Variants in RGS12 observed in about 807,000 individuals in gnomAD.
The protein encoded by RGS12 is regulator of G-protein signaling 12.
In RGS12, 66 loss-of-function variants were observed where a neutral mutation model predicts 120.1. The ratio of observed to expected loss-of-function variants is 0.55; its 90% CI spans 0.45 to 0.67. The LOEUF (loss-of-function observed/expected upper bound fraction) is 0.67, where lower values mean the gene tolerates loss of function less well. Among genes scored for constraint, RGS12 ranks in the 30% least tolerant of loss-of-function variants. RGS12 has a pLI of 0.00. For missense variants in RGS12, 1,859 were observed against 1,957.7 expected (o/e 0.95, Z 0.95); for synonymous variants, 827 against 804.7 (o/e 1.03, Z -0.47).
Position 3,380,808 on chromosome 4 carries a change from C to T in RGS12, c.1999-5608C>T, listed in dbSNP as rs553012612. The stretch of plus-strand genomic sequence containing the variant: ...GCCCAGGAAACAATTTTTCCCTCCT[C>T]GGCCTCCAGGCCTGTGATGAGAGGG... On this transcript the variant is annotated intron_variant, in intron 3 of 17. Coordinates refer to ENST00000336727, the MANE Select transcript of RGS12 (RefSeq NM_001394154.1). Among the ~76,000 whole-genome samples the T allele has an allele frequency of 2.1e-4, 32 of 152,316 alleles. 1 individual carries two copies. Among genetic ancestry groups the T allele is most frequent in the African/African-American group, 6.0e-4 (25 of 41,582 alleles).
chr4:3,299,129 A>G (rs924106225), intron 1 of RGS12, among the ~76,000 whole-genome samples: 6 of 152,032 alleles, frequency 3.9e-5, no homozygotes, highest in African/African-American at 1.4e-4. Flanking sequence ...ACTCAAATGA[A>G]AATCTCTGCT....
chr4:3,378,797 G>A (rs971648250), intron 3 of RGS12, among the ~76,000 whole-genome samples: 2 of 152,198 alleles, frequency 1.3e-5, no homozygotes, highest in Non-Finnish European at 2.9e-5. Flanking sequence ...CCCTTGCACT[G>A]TTGGTGGGAA....
chr4:3,336,336 C>T (rs1323415607), intron 2 of RGS12, among the ~76,000 whole-genome samples: 2 of 152,270 alleles, frequency 1.3e-5, no homozygotes, highest in African/African-American at 4.8e-5. Flanking sequence ...GCTACCCCTT[C>T]TCTACATAGT....
intron 1 of RGS12, among the ~76,000 whole-genome samples, chr4:3,310,515 G>A (rs1192703021): frequency 2.6e-5 from 4 of 152,218 alleles, no homozygotes; most frequent in African/African-American, 9.6e-5. Flanking sequence ...CTGTGTCCAG[G>A]GCGGGCAGGT....
At chr4:3,422,608 C>CAT in intron 11 of RGS12, 38 bp downstream of exon 11, 1 of 1,583,878 alleles carries the variant, frequency 6.3e-7, no homozygotes. Flanking sequence ...GCCCTCAGGC[C>CAT]ATGACCTCCC....
At chr4:3,434,198 G>C (rs1259706486) in intron 17 of RGS12, among the ~76,000 whole-genome samples, 2 of 152,232 alleles carry the variant, frequency 1.3e-5, no homozygotes, top group African/African-American at 4.8e-5. Flanking sequence ...CAGCAGGAGA[G>C]AGTACGAGAA....
upstream of RGS12, among the ~76,000 whole-genome samples, chr4:3,289,539 A>C (rs1468614321): frequency 1.3e-5 from 2 of 152,162 alleles, no homozygotes; most frequent in Non-Finnish European, 2.9e-5. Flanking sequence ...AATTAGTGCA[A>C]ATCCCATAGT....
intron 1 of RGS12, among the ~76,000 whole-genome samples, chr4:3,293,771 G>T (rs1275716682): frequency 6.6e-6 from 1 of 151,972 alleles, no homozygotes; most frequent in Non-Finnish European, 1.5e-5. Flanking sequence ...ACAGAGAGGG[G>T]GCCCAGAGCT....
chr4:3,336,754 A>G (rs1235418290), intron 2 of RGS12, among the ~76,000 whole-genome samples: 2 of 152,266 alleles, frequency 1.3e-5, no homozygotes, highest in Non-Finnish European at 2.9e-5. Flanking sequence ...TACACATTAA[A>G]AAACGCAACC....
In RGS12 at chr4:3,390,345, G is replaced by C. The variant is rs913500711; in HGVS notation, c.2020+3908G>C. Among the ~76,000 whole-genome samples the C allele has an allele frequency of 6.6e-6, 1 of 152,210 alleles. No individual in the cohort carries two copies. The highest frequency in any genetic ancestry group is 1.5e-5 in the Non-Finnish European group (1 of 68,036). On this transcript the variant is annotated intron_variant, in intron 4 of 17. Coordinates refer to ENST00000336727, the MANE Select transcript of RGS12 (RefSeq NM_001394154.1). This position sits in a 1 kb window ranked among gnomAD's most constrained non-coding sequence, Gnocchi z 4.6. ...TGTGACCTCCACGTGGCAGGTCAGA[G>C]TTGTCCCGGCACCCGGCACAGCGGC...
In RGS12 at chr4:3,342,647, G is replaced by C. The variant is rs951465703; in HGVS notation, c.1882-290G>C. On this transcript the variant is annotated intron_variant, in intron 2 of 17. Coordinates refer to ENST00000336727, the MANE Select transcript of RGS12 (RefSeq NM_001394154.1). ...TGATCTGGGTAACAGCCTTGTGGGT[G>C]GGCTGCCGTCATCCTGTTCTGTGTT... The C allele has an allele frequency of 5.8e-6, 7 of 1,205,244 alleles. No individual in the cohort carries two copies. The African/African-American group carries it at 1.1e-4, about 18-fold the overall frequency. The allele number at this position is 1,205,244 out of a possible 1,614,324, so 74.7% of individuals were successfully genotyped here. A position where few individuals can be genotyped will look rare whatever the true frequency, so the allele number is the denominator to read the frequency against.
chr4:3,431,742 G>T (rs879046136), intron 17 of RGS12: 11 of 985,658 alleles, frequency 1.1e-5, no homozygotes, highest in Middle Eastern at 5.2e-4. Flanking sequence ...CAGGGTGCGC[G>T]TCATGGAGTG....
intron 3 of RGS12, among the ~76,000 whole-genome samples, chr4:3,355,681 G>A (rs745961581): frequency 6.6e-5 from 10 of 151,614 alleles, no homozygotes; most frequent in Non-Finnish European, 1.2e-4. Context: ...CATAGTCCCA[G>A]CTGCTTGTGG....
chr4:3,351,072 A>G (rs1714310253), intron 3 of RGS12, among the ~76,000 whole-genome samples: 1 of 152,228 alleles, frequency 6.6e-6, no homozygotes, highest in African/African-American at 2.4e-5. Context: ...AAGGCTGTGG[A>G]CCAGAATTAT....
chr4:3,425,371 C>T (rs1051395222), intron 13 of RGS12, 93 bp from the exon 14 acceptor site: 1 of 1,143,550 alleles, frequency 8.7e-7, no homozygotes, highest in African/African-American at 1.5e-5. Context: ...CTCCATCAAG[C>T]CTAGGACAGT....
chr4:3,391,842 C>A (rs1327752753), intron 4 of RGS12, among the ~76,000 whole-genome samples: 1 of 152,002 alleles, frequency 6.6e-6, no homozygotes, highest in African/African-American at 2.4e-5. Flanking sequence ...GGAAGCTCCT[C>A]CTGCTCAGCT....
At chr4:3,303,320 G>A (rs930785041) in intron 1 of RGS12, among the ~76,000 whole-genome samples, 2 of 152,194 alleles carry the variant, frequency 1.3e-5, no homozygotes, top group Admixed American at 6.5e-5. Context: ...GCCTCGGTAC[G>A]GCGACCTAGG....
chr4:3,313,373 C>G (rs1724531020), intron 1 of RGS12, among the ~76,000 whole-genome samples: 1 of 152,242 alleles, frequency 6.6e-6, no homozygotes, highest in Admixed American at 6.5e-5. Flanking sequence ...TGATAGCTGG[C>G]ACTTGCCGGG....
intron 10 of RGS12, among the ~76,000 whole-genome samples, 197 bp downstream of exon 10, chr4:3,420,915 T>C (rs1295620830): frequency 1.3e-5 from 2 of 152,254 alleles, no homozygotes; most frequent in Admixed American, 1.3e-4. Context: ...GGCCCCGGCC[T>C]CATGGTCCCC....
Sources: gnomAD v4.1 joint callset for allele counts (sites outside exome capture counted in the v4.1 genomes callset) on GRCh38, gnomAD v4.1.1 for gene constraint, Gnocchi (gnomAD v3.1) non-coding constraint, MANE v1.5 for transcripts, NCBI Gene and HGNC (gene_info 2026-07-23, HGNC 2026-07-21) for gene names.